AMOTL1: variants seen among roughly 807,000 people sequenced by gnomAD.
AMOTL1 encodes the protein angiomotin-like protein 1.
A neutral mutation model predicts 102.9 loss-of-function variants in AMOTL1; 45 were observed. The observed-to-expected ratio is 0.44, with a 90% confidence interval of 0.34 to 0.56. AMOTL1 has a LOEUF of 0.56. Ranked by LOEUF, AMOTL1 falls within the 20% of genes least tolerant of loss-of-function variation. AMOTL1 has a pLI of 0.01. For synonymous variants in AMOTL1, 481 were observed against 484.7 expected (o/e 0.99, Z 0.10); for missense variants, 1,114 against 1,225.6 (o/e 0.91, Z 1.36).
In AMOTL1 at chr11:94,871,009, G is replaced by T; in HGVS notation, c.*214G>T. 1 of 454,972 alleles carries T rather than the reference G, an allele frequency of 2.2e-6. No individual in the cohort carries two copies. The highest frequency in any genetic ancestry group is 3.9e-6 in the Non-Finnish European group (1 of 257,248). 28.2% of individuals were successfully genotyped at this position (454,972 alleles called of 1,614,324 possible). ...TGCGATGGATTTTATTACACATGGTGGAAGAGAGAAGAGGCGTGTAGGTTT... is the reference window on the plus strand; with the variant it reads ...TGCGATGGATTTTATTACACATGGTTGAAGAGAGAAGAGGCGTGTAGGTTT... On this transcript the variant is annotated 3_prime_UTR_variant, in exon 13 of 13. Coordinates refer to ENST00000433060, the MANE Select transcript of AMOTL1 (RefSeq NM_130847.3).
At chr11:94,865,074 G>C (rs906496605) in intron 10 of AMOTL1, among the ~76,000 whole-genome samples, 2 of 152,116 alleles carry the variant, frequency 1.3e-5, no homozygotes, top group Non-Finnish European at 2.9e-5. Flanking sequence ...AGTTCTCTGG[G>C]GGAAATTGCG....
At chr11:94,734,415 A>T (rs556695188) in intron 2 of AMOTL1, among the ~76,000 whole-genome samples, 1 of 152,354 alleles carries the variant, frequency 6.6e-6, no homozygotes, top group East Asian at 1.9e-4. Flanking sequence ...AAAAGGAAAG[A>T]CTATTAAATC....
At chr11:94,836,454 G>T (rs147036707) in intron 6 of AMOTL1, among the ~76,000 whole-genome samples, 1 of 152,110 alleles carries the variant, frequency 6.6e-6, no homozygotes, top group African/African-American at 2.4e-5. Context: ...AACTATAGAC[G>T]TTCTTCACCA....
intron 1 of AMOTL1, among the ~76,000 whole-genome samples, chr11:94,778,764 G>A (rs770450950): frequency 7.2e-5 from 11 of 152,190 alleles, no homozygotes; most frequent in Non-Finnish European, 1.5e-4. Flanking sequence ...GACTGAGAGC[G>A]CATGAGTGGT....
chr11:94,845,595 G>A (rs972282955), intron 6 of AMOTL1, among the ~76,000 whole-genome samples: 14 of 152,148 alleles, frequency 9.2e-5, no homozygotes, highest in African/African-American at 2.9e-4. Flanking sequence ...ATCCTCACCC[G>A]CAGTTCTGCA....
Position 94,795,027 on chromosome 11 carries a change from T to G in AMOTL1, c.66T>G (p.Cys22Trp). ...TTCCCCCAGGGTCCCCTTCTGCTTGTTATAGCCCCAGTAGTCCTGTCCAGG... is the reference window on the plus strand; with the variant it reads ...TTCCCCCAGGGTCCCCTTCTGCTTGGTATAGCCCCAGTAGTCCTGTCCAGG... ...EPAVKGSPSA[C>W]YSPSSPVQVL... The change falls in exon 2 of 13, where the codon TGT becomes TGG. Residue 22 changes from cysteine to tryptophan, a missense_variant. Transcript: ENST00000433060. 2 of 1,610,476 alleles carry G rather than the reference T, an allele frequency of 1.2e-6. No homozygotes were observed. Among genetic ancestry groups the G allele is most frequent in the Non-Finnish European group, 1.7e-6 (2 of 1,178,934 alleles).
chr11:94,715,705 A>T (rs1950085992), intron 1 of AMOTL1, among the ~76,000 whole-genome samples: 1 of 152,136 alleles, frequency 6.6e-6, no homozygotes, highest in African/African-American at 2.4e-5. Flanking sequence ...CATAGTTTCA[A>T]ACGAGAAATC....
chr11:94,780,946 G>A (rs1056757918), intron 1 of AMOTL1, among the ~76,000 whole-genome samples: 2 of 151,834 alleles, frequency 1.3e-5, no homozygotes, highest in Admixed American at 1.3e-4. Context: ...ATCTTTTTTT[G>A]TTCTTTAAAT....
At chr11:94,839,310 T>G (rs1952247957) in intron 6 of AMOTL1, among the ~76,000 whole-genome samples, 1 of 152,232 alleles carries the variant, frequency 6.6e-6, no homozygotes, top group South Asian at 2.1e-4. Context: ...GCACTTACTG[T>G]GAGCCAAGCA....
intron 1 of AMOTL1, among the ~76,000 whole-genome samples, chr11:94,715,341 A>G (rs1950080823): frequency 6.6e-6 from 1 of 151,982 alleles, no homozygotes; most frequent in Non-Finnish European, 1.5e-5. Context: ...TAATGCTATT[A>G]TTTTTCTTTT....
intron 1 of AMOTL1, among the ~76,000 whole-genome samples, chr11:94,773,240 C>A (rs1314227957): frequency 6.6e-6 from 1 of 152,196 alleles, no homozygotes; most frequent in Non-Finnish European, 1.5e-5. Context: ...TTGATAGATT[C>A]CTTTTTTCTT....
rs1555067563 is a variant in AMOTL1, at chr11:94,771,263, G to GC, written c.49+2703_49+2704insC. 6.8e-5 allele frequency among the ~76,000 whole-genome samples: 10 copies of GC among 146,632 alleles called. No individual in the cohort carries two copies. The East Asian group carries it at 8.1e-4, about 12-fold the overall frequency. On this transcript the variant is annotated intron_variant, in intron 1 of 12. Transcript: ENST00000433060. Reference sequence around the variant, plus strand: ...TTCTTTTCTTTTTGGCGGGGTTGGGGGGGGGGTGCGGTGTGTGGCTATCTG... The same window carrying GC: ...TTCTTTTCTTTTTGGCGGGGTTGGGGCGGGGGGTGCGGTGTGTGGCTATCTG...
chr11:94,760,644 C>T (rs1950780662), intron 3 of AMOTL1, among the ~76,000 whole-genome samples: 1 of 152,184 alleles, frequency 6.6e-6, no homozygotes, highest in Admixed American at 6.5e-5. Context: ...TCTAAATGAC[C>T]ACTTTCTCCC....
At chr11:94,828,736 C>A (rs1303815298) in intron 4 of AMOTL1, among the ~76,000 whole-genome samples, 2 of 152,132 alleles carry the variant, frequency 1.3e-5, no homozygotes, top group Admixed American at 1.3e-4. Context: ...GGAGTCTTGG[C>A]AGGACTTTCT....
intron 1 of AMOTL1, among the ~76,000 whole-genome samples, chr11:94,771,440 A>C (rs996945732): frequency 6.6e-6 from 1 of 152,176 alleles, no homozygotes; most frequent in African/African-American, 2.4e-5. Flanking sequence ...TGTGGAGGTC[A>C]AGTAAAGGGA....
At chr11:94,742,877 C>T (rs1950544849) in intron 3 of AMOTL1, among the ~76,000 whole-genome samples, 1 of 152,148 alleles carries the variant, frequency 6.6e-6, no homozygotes, top group African/African-American at 2.4e-5. Flanking sequence ...AGAAAAGGGC[C>T]AGGGAGCTCT....
chr11:94,727,523 C>T (rs894146930), intron 1 of AMOTL1, among the ~76,000 whole-genome samples: 9 of 152,156 alleles, frequency 5.9e-5, no homozygotes, highest in Non-Finnish European at 1.3e-4. Flanking sequence ...CCTCAATCCA[C>T]TGACATGGGT....
At chr11:94,774,480 AAATTTCAT>A (rs1950996269) in intron 1 of AMOTL1, among the ~76,000 whole-genome samples, 1 of 152,176 alleles carries the variant, frequency 6.6e-6, no homozygotes, top group African/African-American at 2.4e-5. Context: ...GCCGTGTCTC[AAATTTCAT>A]AACTGGCAGC....
At chr11:94,865,838 A>G (rs1592049960) in intron 10 of AMOTL1, 104 bp from the exon 11 acceptor site, 1 of 947,378 alleles carries the variant, frequency 1.1e-6, no homozygotes, top group Non-Finnish European at 1.6e-6. Flanking sequence ...TTCATCCTGT[A>G]TCCCTAAATT....
Sources: allele counts gnomAD v4.1 joint callset (sites outside exome capture counted in the v4.1 genomes callset), GRCh38; gene constraint gnomAD v4.1.1; transcripts MANE v1.5; gene names NCBI Gene and HGNC (gene_info 2026-07-23, HGNC 2026-07-21).